TENM3: variants seen among roughly 807,000 people sequenced by gnomAD.
The protein encoded by TENM3 is teneurin transmembrane protein 3.
TENM3 carries 63 observed loss-of-function variants against 255.1 expected under a neutral mutation model. The observed-to-expected ratio is 0.25, with a 90% CI of 0.20 to 0.30. TENM3 has a LOEUF of 0.30. Among genes scored for constraint, TENM3 ranks in the 10% least tolerant of loss-of-function variants. TENM3 has a pLI of 1.00. For missense variants in TENM3, 2,929 were observed against 3,461.1 expected (o/e 0.85, Z 3.86); for synonymous variants, 1,306 against 1,322.3 (o/e 0.99, Z 0.27).
chr4:181,998,283 C>T, the TENM3 span, among the ~76,000 whole-genome samples: 4 of 152,110 alleles, frequency 2.6e-5, no homozygotes, highest in African/African-American at 9.7e-5. Flanking sequence ...CTTTGCCAAC[C>T]TAAGAGGGAC....
chr4:182,647,009 A>G (rs989725859), intron 5 of TENM3, among the ~76,000 whole-genome samples: 2 of 152,190 alleles, frequency 1.3e-5, no homozygotes, highest in African/African-American at 4.8e-5. Flanking sequence ...TTTATACCCC[A>G]AACATTGCTT....
chr4:181,679,721 C>T, the TENM3 span, among the ~76,000 whole-genome samples: 34,737 of 152,030 alleles, frequency 0.23, 4,353 homozygotes, highest in African/African-American at 0.32. Context: ...CAAGTCAAAA[C>T]ATTTGATCAA....
chr4:182,159,628 A>G (rs1222754598), intron 1 of TENM3, among the ~76,000 whole-genome samples: 1 of 152,138 alleles, frequency 6.6e-6, no homozygotes, highest in Non-Finnish European at 1.5e-5. Context: ...TAATTAATGA[A>G]TAATTCTTAG....
intron 19 of TENM3, among the ~76,000 whole-genome samples, chr4:182,743,715 T>C (rs1761778672): frequency 6.6e-6 from 1 of 152,202 alleles, no homozygotes; most frequent in Non-Finnish European, 1.5e-5. Context: ...TCTTTCGCTT[T>C]CTTTAGAATA....
the TENM3 span, among the ~76,000 whole-genome samples, chr4:181,460,827 G>T: frequency 6.6e-6 from 1 of 151,232 alleles, no homozygotes; most frequent in Non-Finnish European, 1.5e-5. Context: ...CAGGAATATT[G>T]TCATACATTT....
chr4:182,794,884 A>G (rs1182924198), intron 26 of TENM3, among the ~76,000 whole-genome samples: 2 of 152,068 alleles, frequency 1.3e-5, no homozygotes, highest in African/African-American at 4.8e-5. Flanking sequence ...TTCCTGATAT[A>G]CAGCACCATC....
chr4:182,244,885 G>A (rs1015024993), intron 1 of TENM3, among the ~76,000 whole-genome samples: 3 of 152,140 alleles, frequency 2.0e-5, no homozygotes, highest in African/African-American at 7.2e-5. Flanking sequence ...TATGCTTGAT[G>A]TTATTTATGT....
chr4:182,054,903 G>A, the TENM3 span, among the ~76,000 whole-genome samples: 1 of 152,150 alleles, frequency 6.6e-6, no homozygotes, highest in Non-Finnish European at 1.5e-5. Context: ...GAGCACTAAT[G>A]CCATGTGAGA....
chr4:182,296,140 T>C (rs766852134), intron 1 of TENM3, among the ~76,000 whole-genome samples: 2 of 152,074 alleles, frequency 1.3e-5, no homozygotes, highest in Non-Finnish European at 2.9e-5. Context: ...ATTTTGTATG[T>C]TTAGTAGAGA....
the TENM3 span, among the ~76,000 whole-genome samples, chr4:181,866,844 T>C: frequency 6.6e-6 from 1 of 152,176 alleles, no homozygotes; most frequent in Non-Finnish European, 1.5e-5. Context: ...TCTTCTCTGA[T>C]TGCTTCCTCC....
chr4:181,640,780 C>T, the TENM3 span, among the ~76,000 whole-genome samples: 1 of 152,208 alleles, frequency 6.6e-6, no homozygotes, highest in Non-Finnish European at 1.5e-5. Context: ...CTGGCTTCCC[C>T]TCTACCAGGC....
intron 5 of TENM3, among the ~76,000 whole-genome samples, chr4:182,643,133 C>T (rs1752456071): frequency 6.6e-6 from 1 of 152,176 alleles, no homozygotes; most frequent in Non-Finnish European, 1.5e-5. Context: ...TGGTTGCACT[C>T]TGGATACATG....
chr4:181,829,488 G>A, the TENM3 span, among the ~76,000 whole-genome samples: 1 of 152,182 alleles, frequency 6.6e-6, no homozygotes, highest in Admixed American at 6.5e-5. Flanking sequence ...CTTCATATGT[G>A]TAGAAACTCA....
At chr4:181,649,928 G>A in the TENM3 span, among the ~76,000 whole-genome samples, 1 of 152,186 alleles carries the variant, frequency 6.6e-6, no homozygotes, top group African/African-American at 2.4e-5. Context: ...CCGGAAGGAA[G>A]CGGTAGCTGA....
At chr4:182,765,280 T>C (rs1285242429) in intron 22 of TENM3, among the ~76,000 whole-genome samples, 1 of 152,072 alleles carries the variant, frequency 6.6e-6, no homozygotes, top group African/African-American at 2.4e-5. Flanking sequence ...AAAAAGAAGG[T>C]GCAAATATGT....
chr4:181,681,144 T>C, the TENM3 span, among the ~76,000 whole-genome samples: 1 of 151,952 alleles, frequency 6.6e-6, no homozygotes, highest in Non-Finnish European at 1.5e-5. Flanking sequence ...GTGCAAAATT[T>C]CCAAGTCAAA....
chr4:181,758,960 A>G, the TENM3 span, among the ~76,000 whole-genome samples: 1 of 152,186 alleles, frequency 6.6e-6, no homozygotes, highest in African/African-American at 2.4e-5. Context: ...TTCCATTGTT[A>G]AACAAACTCA....
intron 1 of TENM3, among the ~76,000 whole-genome samples, chr4:182,262,765 A>C (rs2675520): frequency 2.1e-5 from 3 of 144,796 alleles, no homozygotes; most frequent in Admixed American, 6.9e-5. Context: ...CCAGGCTGGA[A>C]TGCAGTGGCC....
chr4:181,703,955 G>C, the TENM3 span, among the ~76,000 whole-genome samples: 2 of 152,096 alleles, frequency 1.3e-5, no homozygotes, highest in Non-Finnish European at 2.9e-5. Flanking sequence ...GTGGATAAAG[G>C]CTTGTCCCAG....
Sources: gnomAD v4.1 joint callset for allele counts (sites outside exome capture counted in the v4.1 genomes callset) on GRCh38, gnomAD v4.1.1 for gene constraint, MANE v1.5 for transcripts, NCBI Gene and HGNC (gene_info 2026-07-23, HGNC 2026-07-21) for gene names.